HYDIN: variants seen among roughly 807,000 people sequenced by gnomAD.
HYDIN encodes HYDIN axonemal central pair apparatus protein.
HYDIN carries 132 observed loss-of-function variants against 403.9 expected under a neutral mutation model. That is an observed-to-expected ratio of 0.33 (90% CI 0.28 to 0.38). HYDIN has a LOEUF of 0.38. Among genes scored for constraint, HYDIN ranks in the 10% least tolerant of loss-of-function variants. The probability of loss-of-function intolerance (pLI) is 1.00; values close to 1 mark genes in which losing one functional copy is unlikely to be tolerated. For synonymous variants in HYDIN, 1,202 were observed against 1,891.7 expected (o/e 0.64, Z 9.46); for missense variants, 2,827 against 5,009.5 (o/e 0.56, Z 13.15).
chr16:71,023,055 G>A (rs1439014185), intron 21 of HYDIN, among the ~76,000 whole-genome samples: 1 of 152,076 alleles, frequency 6.6e-6, no homozygotes, highest in Non-Finnish European at 1.5e-5. Context: ...TATTCACTGA[G>A]TTTTCTCCCA....
chr16:70,809,787 C>G lies in HYDIN; in HGVS notation c.14879G>C (p.Cys4960Ser). ...NYTRQRTEYYCRTDCTDFHAE... is the reference protein window; with the variant it reads ...NYTRQRTEYYSRTDCTDFHAE... ...GGTAGAGCAGGGGCCACTCACCCTG[C>G]AGTAGTATTCTGTCCTCTGCCGTGT... Residue 4960 changes from cysteine (C) to serine (S), a missense_variant, in exon 85 of 86, where the codon TGC becomes TCC. Cys to Ser is a moderately radical substitution (Grantham distance 112). Transcript: ENST00000393567. The G allele has an allele frequency of 6.2e-7, 1 of 1,612,828 alleles. No homozygotes were observed. Among genetic ancestry groups the G allele is most frequent in the Non-Finnish European group, 8.5e-7 (1 of 1,178,880 alleles).
intron 16 of HYDIN, 154 bp from the exon 17 acceptor site, chr16:71,062,487 C>T: frequency 1.7e-6 from 1 of 574,624 alleles, no homozygotes. Flanking sequence ...CCAATTCGGC[C>T]AAAAGGAAGT....
At position 70,803,660 on chromosome 16, in the gene HYDIN, T is replaced by A. The variant is rs1176581835; in HGVS notation, c.*3920A>T. ...CATTGTAAGAAATTGTACCAAAATC[T>A]TGAACTGTGCAAAGCAGTTTCTCCA... On this transcript the variant is annotated 3_prime_UTR_variant, in exon 86 of 86. Coordinates refer to ENST00000393567, the MANE Select transcript of HYDIN (RefSeq NM_001270974.2). Among the ~76,000 whole-genome samples, 2 of 152,224 alleles carry A rather than the reference T, an allele frequency of 1.3e-5. No homozygotes were observed. Among genetic ancestry groups the A allele is most frequent in the African/African-American group, 4.8e-5 (2 of 41,456 alleles).
At chr16:71,116,143 C>A (rs959649138) in intron 9 of HYDIN, among the ~76,000 whole-genome samples, 7 of 151,522 alleles carry the variant, frequency 4.6e-5, no homozygotes, top group Non-Finnish European at 8.8e-5. Context: ...ACCCTTTGAC[C>A]AACATCTCCC....
At chr16:70,954,158 G>C (rs999534911) in intron 40 of HYDIN, among the ~76,000 whole-genome samples, 2 of 44,660 alleles carry the variant, frequency 4.5e-5, no homozygotes, top group African/African-American at 9.0e-5. Flanking sequence ...ACTTTTTGTA[G>C]GAAGGCCACA....
intron 12 of HYDIN, among the ~76,000 whole-genome samples, chr16:71,081,352 T>G (rs2082779942): frequency 6.6e-6 from 1 of 150,720 alleles, no homozygotes; most frequent in Non-Finnish European, 1.5e-5. Flanking sequence ...TCATGAGCAT[T>G]TATTATATCT....
chr16:71,065,622 TG>T (rs2082238492), intron 15 of HYDIN, among the ~76,000 whole-genome samples: 2 of 152,240 alleles, frequency 1.3e-5, no homozygotes, highest in Admixed American at 1.3e-4. Flanking sequence ...AAGTACAACC[TG>T]TGTAACCTTG....
At chr16:70,990,925 T>C (rs2079330335) in intron 25 of HYDIN, among the ~76,000 whole-genome samples, 1 of 152,244 alleles carries the variant, frequency 6.6e-6, no homozygotes, top group East Asian at 1.9e-4. Context: ...TTATCTTTCA[T>C]TTTGTTTTTC....
intron 84 of HYDIN, among the ~76,000 whole-genome samples, chr16:70,811,955 C>A (rs956078135): frequency 1.9e-5 from 2 of 103,560 alleles, no homozygotes; most frequent in Non-Finnish European, 3.8e-5. Context: ...AAAAAAAATC[C>A]TTAAAGAAAT....
At chr16:70,810,862 A>G (rs2035451335) in intron 84 of HYDIN, among the ~76,000 whole-genome samples, 1 of 152,106 alleles carries the variant, frequency 6.6e-6, no homozygotes, top group South Asian at 2.1e-4. Context: ...AGAGCAATAC[A>G]CATCGAAATG....
chr16:71,180,589 T>C (rs1028635184), intron 3 of HYDIN, among the ~76,000 whole-genome samples: 1 of 148,740 alleles, frequency 6.7e-6, no homozygotes, highest in African/African-American at 2.5e-5. Context: ...GCCAGTCTCA[T>C]TCATAAACCA....
intron 5 of HYDIN, among the ~76,000 whole-genome samples, chr16:71,172,674 C>T (rs2086514525): frequency 6.6e-6 from 1 of 152,146 alleles, no homozygotes; most frequent in East Asian, 1.9e-4. Flanking sequence ...GCATTATCAT[C>T]TTCGACATGC....
Position 71,184,920 on chromosome 16 carries a change from A to G in HYDIN, c.206T>C (p.Met69Thr). ...TEQRLAKTRLMCRPQIIELLD... is the reference protein window; with the variant it reads ...TEQRLAKTRLTCRPQIIELLD... The stretch of plus-strand genomic sequence containing the variant: ...GAGTTCGATGATCTGTGGTCGGCAC[A>G]TCAAACGTGTTTTTGCCAGTCTCTG... The change falls in exon 3 of 86, where the codon ATG becomes ACG. Residue 69 changes from methionine to threonine, a missense_variant. Physicochemically the swap from Met to Thr is moderately conservative, Grantham distance 81 (BLOSUM62 -1). Coordinates refer to ENST00000393567, the MANE Select transcript of HYDIN (RefSeq NM_001270974.2). 6.2e-7 allele frequency: 1 copy of G among 1,611,304 alleles called. No homozygotes were observed. Among genetic ancestry groups the G allele is most frequent in the Non-Finnish European group, 8.5e-7 (1 of 1,178,124 alleles).
intron 6 of HYDIN, among the ~76,000 whole-genome samples, chr16:71,161,556 G>A (rs8061400): frequency 1.4e-4 from 21 of 151,922 alleles, no homozygotes; most frequent in Admixed American, 2.0e-4. Flanking sequence ...TCTATCCCTC[G>A]GTTTTCTCAT....
At chr16:70,850,747 C>T (rs981928150) in intron 73 of HYDIN, 92 bp from the exon 74 acceptor site, 91 of 1,292,104 alleles carry the variant, frequency 7.0e-5, no homozygotes, top group Non-Finnish European at 7.4e-5. Context: ...AGATTCACTA[C>T]GAGGAAAAGG....
At chr16:70,922,431 AATAGATGCAG>A (rs1265754264) in intron 45 of HYDIN, among the ~76,000 whole-genome samples, 1 of 152,252 alleles carries the variant, frequency 6.6e-6, no homozygotes, top group African/African-American at 2.4e-5. Context: ...GACTTGGGCA[AATAGATGCAG>A]AAAGAAAATA....
At chr16:70,969,409 CA>C (rs1179155923) in intron 36 of HYDIN, among the ~76,000 whole-genome samples, 1 of 152,116 alleles carries the variant, frequency 6.6e-6, no homozygotes, top group African/African-American at 2.4e-5. Context: ...ATCTTCCCTA[CA>C]GAGGAAAAAA....
intron 23 of HYDIN, among the ~76,000 whole-genome samples, chr16:71,009,216 C>A (rs1302355292): frequency 7.6e-6 from 1 of 131,540 alleles, no homozygotes; most frequent in Non-Finnish European, 1.5e-5. Context: ...CAACCATGTG[C>A]ATATAGGACC....
At chr16:70,846,448 A>G (rs1597108663) in intron 75 of HYDIN, among the ~76,000 whole-genome samples, 1 of 150,016 alleles carries the variant, frequency 6.7e-6, no homozygotes, top group African/African-American at 2.4e-5. Flanking sequence ...TGCTGAGGAG[A>G]GCTTTACTTC....
Sources: gnomAD v4.1 joint callset for allele counts (sites outside exome capture counted in the v4.1 genomes callset) on GRCh38, gnomAD v4.1.1 for gene constraint, MANE v1.5 for transcripts, NCBI Gene and HGNC (gene_info 2026-07-23, HGNC 2026-07-21) for gene names.